PCDHGA4: variants seen among roughly 807,000 people sequenced by gnomAD.
PCDHGA4 encodes protocadherin gamma-A4.
Under a neutral mutation model 54.6 loss-of-function variants are expected in PCDHGA4, and 38 were observed. That is an observed-to-expected ratio of 0.70 (90% CI 0.54 to 0.91). The LOEUF (loss-of-function observed/expected upper bound fraction) is 0.91, where lower values mean the gene tolerates loss of function less well. Among genes scored for constraint, PCDHGA4 ranks in the 40% least tolerant of loss-of-function variants. PCDHGA4 has a pLI of 0.00. For synonymous variants in PCDHGA4, 511 were observed against 512.9 expected (o/e 1.00, Z 0.05); for missense variants, 1,298 against 1,220.9 (o/e 1.06, Z -0.94).
At chr5:141,458,662 C>A (rs948275548) in intron 1 of PCDHGA4, among the ~76,000 whole-genome samples, 2 of 152,064 alleles carry the variant, frequency 1.3e-5, no homozygotes, top group Non-Finnish European at 2.9e-5. Flanking sequence ...CTCCACCTCT[C>A]GGGTTCAAGC....
intron 1 of PCDHGA4, chr5:141,362,411 A>G (rs771689350): frequency 6.2e-7 from 1 of 1,614,004 alleles, no homozygotes; most frequent in Non-Finnish European, 8.5e-7. Context: ...GTTGCCTCAC[A>G]ATCAGCCAAG....
Position 141,511,429 on chromosome 5 carries a change from G to A in PCDHGA4, c.*256G>A, listed in dbSNP as rs1414641314. 1.3e-6 allele frequency: 1 copy of A among 769,620 alleles called. No individual in the cohort carries two copies. The highest frequency in any genetic ancestry group is 2.0e-6 in the Non-Finnish European group (1 of 505,154). The allele number at this position is 769,620 out of a possible 1,614,324, so 47.7% of individuals were successfully genotyped here. On this transcript the variant is annotated 3_prime_UTR_variant, in exon 4 of 4. Transcript: ENST00000571252. The stretch of plus-strand genomic sequence containing the variant: ...CTGCTGTACCCATGGGGGTAGTGGG[G>A]TTACTGTAGACACCAAGAACCATTT...
At chr5:141,438,303 T>G (rs2097949191) in intron 1 of PCDHGA4, among the ~76,000 whole-genome samples, 1 of 152,068 alleles carries the variant, frequency 6.6e-6, no homozygotes, top group African/African-American at 2.4e-5. Flanking sequence ...TAAAAGAAGT[T>G]GGTACCACCA....
chr5:141,384,595 G>A, intron 1 of PCDHGA4: 1 of 1,614,198 alleles, frequency 6.2e-7, no homozygotes, highest in Non-Finnish European at 8.5e-7. Flanking sequence ...CCTGTACCCG[G>A]CCCTCCCCAC....
At position 141,419,598 on chromosome 5, in the gene PCDHGA4, G is replaced by A. The variant is rs1466867194; in HGVS notation, c.2514+61977G>A. On this transcript the variant is annotated intron_variant, in intron 1 of 3. Transcript: ENST00000571252. ...TCCGCGCTCTTCGACACAGTGCCGC[G>A]GGCCGCGCAGCCAGGCTACCTGGTG... 21 of 1,611,674 alleles carry A rather than the reference G, an allele frequency of 1.3e-5. No individual in the cohort carries two copies. In the South Asian group the frequency reaches 1.3e-4, roughly 10 times the overall value.
chr5:141,500,520 T>A (rs2099801106), intron 2 of PCDHGA4, among the ~76,000 whole-genome samples: 1 of 152,194 alleles, frequency 6.6e-6, no homozygotes, highest in South Asian at 2.1e-4. Context: ...AGCTTCATTT[T>A]AAAAAAATCT....
chr5:141,413,227 G>T (rs552225139), intron 1 of PCDHGA4: 2 of 1,613,938 alleles, frequency 1.2e-6, no homozygotes, highest in South Asian at 2.2e-5. Flanking sequence ...CAGCGGGCTG[G>T]TCCTGCTCTG....
chr5:141,441,359 G>T (rs932747576), intron 1 of PCDHGA4: 1 of 152,522 alleles, frequency 6.6e-6, no homozygotes, highest in Non-Finnish European at 1.5e-5. Flanking sequence ...TGTAACAAAT[G>T]GGGCCGTGGA....
rs1348785166 is a variant in PCDHGA4, at chr5:141,431,381, C to T, written c.2515-63426C>T. On this transcript the variant is annotated intron_variant, in intron 1 of 3. Coordinates refer to ENST00000571252, the MANE Select transcript of PCDHGA4 (RefSeq NM_018917.4). The surrounding 1 kb of genome is among the most constrained non-coding windows in gnomAD (Gnocchi z 4.8). Reference sequence around the variant, plus strand: ...CCTGGACCGCGAAGAAAAGGCTGCTCACCACCTGGTCCTTACGGCCTCCGA... The same window carrying T: ...CCTGGACCGCGAAGAAAAGGCTGCTTACCACCTGGTCCTTACGGCCTCCGA... 1.2e-6 allele frequency: 2 copies of T among 1,613,940 alleles called. No homozygotes were observed. Among genetic ancestry groups the T allele is most frequent in the Non-Finnish European group, 1.7e-6 (2 of 1,180,042 alleles).
chr5:141,479,342 G>A (rs926832955), intron 1 of PCDHGA4: 1 of 152,486 alleles, frequency 6.6e-6, no homozygotes, highest in Admixed American at 6.5e-5. Flanking sequence ...TGCACCTGTA[G>A]TTCTTGCTGC....
intron 1 of PCDHGA4, among the ~76,000 whole-genome samples, chr5:141,465,116 C>A (rs2099097321): frequency 6.6e-6 from 1 of 150,972 alleles, no homozygotes; most frequent in Non-Finnish European, 1.5e-5. Context: ...AGTGTTTTAG[C>A]CTAAATTTGT....
chr5:141,414,946 C>T, intron 1 of PCDHGA4: 1 of 1,614,102 alleles, frequency 6.2e-7, no homozygotes, highest in East Asian at 2.2e-5. Context: ...GCCCGGCTAC[C>T]TGGTGACCAA....
intron 1 of PCDHGA4, among the ~76,000 whole-genome samples, chr5:141,472,863 G>A (rs2099301197): frequency 6.7e-6 from 1 of 149,994 alleles, no homozygotes. Context: ...GCACATGCCT[G>A]TATTCCCAGC....
chr5:141,410,084 ACGG>A (rs748556729), intron 1 of PCDHGA4: 3 of 1,612,532 alleles, frequency 1.9e-6, no homozygotes, highest in Non-Finnish European at 2.5e-6. Context: ...GGAGGTGCGC[ACGG>A]CTCGAGCCTT....
At chr5:141,503,023 A>AAT (rs2099817696) in intron 2 of PCDHGA4, among the ~76,000 whole-genome samples, 1 of 141,888 alleles carries the variant, frequency 7.0e-6, no homozygotes, top group African/African-American at 2.6e-5. Context: ...TTTTTTTTTT[A>AAT]ATATCTATTT....
chr5:141,370,785 C>T, intron 1 of PCDHGA4: 1 of 1,614,018 alleles, frequency 6.2e-7, no homozygotes, highest in Non-Finnish European at 8.5e-7. Flanking sequence ...CGACAACCCA[C>T]CGACCTTTAG....
chr5:141,404,754 A>G, intron 1 of PCDHGA4: 1 of 1,612,286 alleles, frequency 6.2e-7, no homozygotes, highest in Non-Finnish European at 8.5e-7. Flanking sequence ...TCAGGCCAGA[A>G]TGCTTGGCTC....
intron 1 of PCDHGA4, chr5:141,419,829 C>G (rs748734266): frequency 6.2e-7 from 1 of 1,614,072 alleles, no homozygotes; most frequent in Admixed American, 1.7e-5. Flanking sequence ...CTTTCAGCCA[C>G]TGCCACGCTG....
intron 1 of PCDHGA4, among the ~76,000 whole-genome samples, chr5:141,363,020 A>G (rs538916334): frequency 6.6e-6 from 1 of 152,380 alleles, no homozygotes; most frequent in South Asian, 2.1e-4. Flanking sequence ...CATGGGTAGG[A>G]CATTGTCCCA....
Sources: allele counts gnomAD v4.1 joint callset (sites outside exome capture counted in the v4.1 genomes callset), GRCh38; gene constraint gnomAD v4.1.1; non-coding constraint Gnocchi (gnomAD v3.1); transcripts MANE v1.5; gene names NCBI Gene and HGNC (gene_info 2026-07-23, HGNC 2026-07-21).